The following ENDOU variants were observed in gnomAD, a reference collection of about 807,000 sequenced individuals.
The protein encoded by ENDOU is uridylate-specific endoribonuclease.
A neutral mutation model predicts 54.2 loss-of-function variants in ENDOU; 49 were observed. The observed-to-expected ratio is 0.90, with a 90% CI of 0.72 to 1.15. The LOEUF is 1.15. ENDOU is among the 50% of genes most tolerant of loss of function. The probability of loss-of-function intolerance (pLI) is 0.00; values close to 1 mark genes in which losing one functional copy is unlikely to be tolerated. For missense variants in ENDOU, 458 were observed against 511.4 expected, an observed-to-expected ratio of 0.90 and a Z score of 1.01; for synonymous variants, 172 against 190.5, an observed-to-expected ratio of 0.90 and a Z score of 0.80.
intron 9 of ENDOU, 68 bp from the exon 10 acceptor site, chr12:47,710,987 A>ATCCT: frequency 1.9e-6 from 2 of 1,058,534 alleles, no homozygotes; most frequent in Non-Finnish European, 2.8e-6. Flanking sequence ...GGCTGGAAGG[A>ATCCT]TCAAGCCCAA....
intron 9 of ENDOU, 93 bp from the exon 10 acceptor site, chr12:47,711,012 C>T (rs1340539127): frequency 2.7e-6 from 2 of 740,700 alleles, no homozygotes; most frequent in Non-Finnish European, 4.5e-6. Context: ...AGCAGAAGGG[C>T]TCCATTCTGC....
chr12:47,716,970 C>T lies in ENDOU; in HGVS notation c.471G>A (p.Gln157=), dbSNP rs750627709. ...KIYRADTNKA[Q]KEDIVLNSQN... is the part of the protein sequence containing the mutation. Reference sequence around the variant, plus strand: ...GGCTATTGAGAACGATGTCTTCCTTCTGGGCTTTGTTGGTGTCTGCCCTGT... The same window carrying T: ...GGCTATTGAGAACGATGTCTTCCTTTTGGGCTTTGTTGGTGTCTGCCCTGT... Residue 157 remains glutamine (Q), a synonymous_variant, in exon 5 of 10, where the codon CAG becomes CAA. Transcript: ENST00000422538. The T allele has an allele frequency of 1.7e-5, 27 of 1,614,194 alleles. No homozygotes were observed. Among genetic ancestry groups the T allele is most frequent in the Non-Finnish European group, 2.3e-5 (27 of 1,180,016 alleles).
chr12:47,713,150 C>G (rs966926770), intron 7 of ENDOU, 125 bp downstream of exon 7: 3 of 688,556 alleles, frequency 4.4e-6, no homozygotes, highest in Non-Finnish European at 7.7e-6. Flanking sequence ...GGGGAGAGTG[C>G]GTGGGTCCCT....
At chr12:47,718,700 T>C (rs1179874484) in intron 2 of ENDOU, among the ~76,000 whole-genome samples, 1 of 152,200 alleles carries the variant, frequency 6.6e-6, no homozygotes, top group Non-Finnish European at 1.5e-5. Context: ...GGAAAAGGCA[T>C]GTTCAGAAAA....
intron 6 of ENDOU, among the ~76,000 whole-genome samples, chr12:47,715,404 C>T (rs923994972): frequency 2.0e-5 from 3 of 152,344 alleles, no homozygotes; most frequent in Middle Eastern, 3.4e-3. Flanking sequence ...TGTCTGGCCT[C>T]CGTTTCTCTC....
intron 5 of ENDOU, 54 bp from the exon 6 acceptor site, chr12:47,716,553 C>T: frequency 2.6e-6 from 4 of 1,552,520 alleles, no homozygotes; most frequent in African/African-American, 1.4e-5. Context: ...GGGCAGCGAC[C>T]CCTCCAGAGA....
intron 1 of ENDOU, among the ~76,000 whole-genome samples, chr12:47,725,012 GC>G (rs980113592): frequency 1.3e-5 from 2 of 152,182 alleles, no homozygotes; most frequent in African/African-American, 4.8e-5. Flanking sequence ...ATGGACACCA[GC>G]CCTAGCTTTA....
intron 1 of ENDOU, among the ~76,000 whole-genome samples, chr12:47,722,983 C>T (rs1456920540): frequency 6.6e-6 from 1 of 152,246 alleles, no homozygotes; most frequent in Non-Finnish European, 1.5e-5. Flanking sequence ...CATCAGCTCC[C>T]TGCTCAGTCA....
intron 8 of ENDOU, 31 bp downstream of exon 8, chr12:47,712,485 C>T: frequency 6.5e-7 from 1 of 1,530,706 alleles, no homozygotes; most frequent in Non-Finnish European, 9.0e-7. Flanking sequence ...TATCTGGGCT[C>T]TGACAAGGCT....
intron 6 of ENDOU, among the ~76,000 whole-genome samples, 196 bp from the exon 7 acceptor site, chr12:47,713,584 G>A (rs1050122506): frequency 2.0e-5 from 3 of 152,174 alleles, no homozygotes; most frequent in African/African-American, 7.2e-5. Context: ...TAAAGGCTGA[G>A]GATTCAGCTG....
Position 47,717,593 on chromosome 12 carries a change from G to A in ENDOU, c.307C>T (p.Gln103Ter). The change falls in exon 4 of 10, where the codon CAA becomes TAA. Residue 103 changes from glutamine to a stop codon, truncating the protein, a stop_gained. Transcript: ENST00000422538. LOFTEE classifies it high-confidence loss of function. ...RCYEAFDKHH[Q>*]CHCNARCQEF... The stretch of plus-strand genomic sequence containing the variant: ...TGGCAGCGGGCATTGCAGTGACATT[G>A]GTGGTGCTTGTCAAAGGCTTCGTAG... The A allele has an allele frequency of 6.2e-7, 1 of 1,614,158 alleles. No homozygotes were observed. The highest frequency in any genetic ancestry group is 8.5e-7 in the Non-Finnish European group (1 of 1,180,018).
intron 6 of ENDOU, among the ~76,000 whole-genome samples, chr12:47,713,800 G>A (rs553408866): frequency 6.6e-6 from 1 of 151,132 alleles, no homozygotes; most frequent in Admixed American, 6.6e-5. Flanking sequence ...AGGTAGCACT[G>A]ATCAGAGAGC....
chr12:47,716,018 G>A (rs938367901), intron 6 of ENDOU, among the ~76,000 whole-genome samples: 3 of 152,172 alleles, frequency 2.0e-5, no homozygotes, highest in Admixed American at 6.5e-5. Flanking sequence ...AGAGAACCCT[G>A]AGACTGTAGC....
At chr12:47,720,968 G>C in intron 1 of ENDOU, 93 bp from the exon 2 acceptor site, 1 of 1,265,922 alleles carries the variant, frequency 7.9e-7, no homozygotes, top group Non-Finnish European at 1.1e-6. Context: ...CAGGGCAGGA[G>C]TGTACCTGGC....
chr12:47,713,025 T>G (rs932024380), intron 7 of ENDOU, among the ~76,000 whole-genome samples: 1 of 152,162 alleles, frequency 6.6e-6, no homozygotes, highest in Admixed American at 6.5e-5. Context: ...TTGTCCTAGA[T>G]GTACCCCCTT....
chr12:47,717,436 G>T lies in ENDOU; in HGVS notation c.382+82C>A, dbSNP rs545533480. On this transcript the variant is annotated intron_variant, in intron 4 of 9. Transcript: ENST00000422538. ...CAAGTTCTCAGACATTGCTGAAGCT[G>T]CTGGTCCAGGGACCACATGTTGAGA... 2.8e-3 allele frequency: 4,025 copies of T among 1,446,062 alleles called. 16 individuals are homozygous for T. The highest frequency in any genetic ancestry group is 3.4e-3 in the Non-Finnish European group (3,582 of 1,050,932). 89.6% of individuals were successfully genotyped at this position (1,446,062 alleles called of 1,614,324 possible). A position where few individuals can be genotyped will look rare whatever the true frequency, so the allele number is the denominator to read the frequency against.
chr12:47,713,240 C>T lies in ENDOU; in HGVS notation c.865+35G>A, dbSNP rs749930365. The stretch of plus-strand genomic sequence containing the variant: ...TGAGCAAAGCCATTCCTCTTCATCC[C>T]TCCAACTCTTTCTTTCCAAGAAAAG... On this transcript the variant is annotated intron_variant, in intron 7 of 9. Transcript: ENST00000422538. The T allele has an allele frequency of 1.7e-5, 24 of 1,429,936 alleles. No individual in the cohort carries two copies. The Middle Eastern group carries it at 7.0e-4, about 42-fold the overall frequency. 88.6% of individuals were successfully genotyped at this position (1,429,936 alleles called of 1,614,324 possible). A position where few individuals can be genotyped will look rare whatever the true frequency, so the allele number is the denominator to read the frequency against.
At chr12:47,710,960 C>T (rs1234944058) in intron 9 of ENDOU, 41 bp from the exon 10 acceptor site, 8 of 1,403,248 alleles carry the variant, frequency 5.7e-6, no homozygotes, top group Non-Finnish European at 7.0e-6. Context: ...CTCCCCACTT[C>T]ACGCTGCCTC....
chr12:47,712,461 G>T, intron 8 of ENDOU, 55 bp downstream of exon 8: 1 of 1,340,978 alleles, frequency 7.5e-7, no homozygotes, highest in Non-Finnish European at 1.1e-6. Flanking sequence ...TTGGAACACA[G>T]AGTGAGAGCA....
Sources: allele counts gnomAD v4.1 joint callset (sites outside exome capture counted in the v4.1 genomes callset), GRCh38; gene constraint gnomAD v4.1.1; transcripts MANE v1.5; gene names NCBI Gene and HGNC (gene_info 2026-07-23, HGNC 2026-07-21).